The following PHEX variants were observed in gnomAD, a reference collection of about 807,000 sequenced individuals.
PHEX encodes the protein phosphate regulating endopeptidase X-linked.
A neutral mutation model predicts 68.0 loss-of-function variants in PHEX; 16 were observed. That is an observed-to-expected ratio of 0.24 (90% CI 0.16 to 0.36). PHEX has a LOEUF of 0.36. Among genes scored for constraint, PHEX ranks in the 10% least tolerant of loss-of-function variants. The pLI, the probability that PHEX is intolerant of heterozygous loss-of-function variation, is 1.00. For missense variants in PHEX, 480 were observed against 575.5 expected (o/e 0.83, Z 1.70); for synonymous variants, 208 against 205.1 (o/e 1.01, Z -0.12).
At chrX:22,072,777 C>A (rs943294177) in intron 3 of PHEX, among the ~76,000 whole-genome samples, 3 of 111,541 alleles carry the variant, frequency 2.7e-5, no homozygotes, top group Non-Finnish European at 5.6e-5. Context: ...TTTTGGGGTT[C>A]CAGTAATAAT....
At chrX:22,043,480 A>G (rs753031018) in intron 2 of PHEX, among the ~76,000 whole-genome samples, 3 of 111,117 alleles carry the variant, frequency 2.7e-5, no homozygotes, top group African/African-American at 6.6e-5. Context: ...TCAGGTGAGG[A>G]AACTAAGACA....
At chrX:22,147,031 A>T (rs1017330693) in intron 12 of PHEX, among the ~76,000 whole-genome samples, 4 of 110,895 alleles carry the variant, frequency 3.6e-5, no homozygotes, top group Non-Finnish European at 7.6e-5. Flanking sequence ...CAATAGCCTC[A>T]GTATAAAATT....
chrX:22,113,198 G>A (rs1215749459), intron 10 of PHEX, among the ~76,000 whole-genome samples: 2 of 111,883 alleles, frequency 1.8e-5, no homozygotes, highest in African/African-American at 6.5e-5. Context: ...TCTTGAGCAC[G>A]AAGTGCTAAA....
intron 3 of PHEX, among the ~76,000 whole-genome samples, chrX:22,070,107 C>T (rs1375209134): frequency 1.8e-5 from 2 of 110,832 alleles, no homozygotes; most frequent in African/African-American, 6.6e-5. Flanking sequence ...CAGCATTCAA[C>T]CATAGACCAT....
At chrX:22,240,775 C>A (rs1936161262) in intron 20 of PHEX, among the ~76,000 whole-genome samples, 1 of 111,357 alleles carries the variant, frequency 9.0e-6, no homozygotes, top group Non-Finnish European at 1.9e-5. Flanking sequence ...TCTCAGAGAC[C>A]TACAAAGAGA....
chrX:22,166,528 T>TTA (rs397896114), intron 12 of PHEX, among the ~76,000 whole-genome samples: 1,480 of 109,241 alleles, frequency 0.014, 16 homozygotes, highest in African/African-American at 0.043. Flanking sequence ...TGTCAAAATT[T>TTA]TATATATATA....
chrX:22,059,539 C>T (rs1342508727), intron 3 of PHEX, among the ~76,000 whole-genome samples: 1 of 112,126 alleles, frequency 8.9e-6, no homozygotes, highest in Non-Finnish European at 1.9e-5. Flanking sequence ...TCTTTGTAAG[C>T]CTATGTTTCT....
intron 20 of PHEX, among the ~76,000 whole-genome samples, chrX:22,228,072 C>T (rs993478338): frequency 8.1e-5 from 9 of 111,418 alleles, no homozygotes; most frequent in African/African-American, 2.9e-4. Flanking sequence ...ATGCAGAGAC[C>T]CCTAGAGCTG....
chrX:22,105,998 G>A (rs1203346526), intron 9 of PHEX, among the ~76,000 whole-genome samples: 2 of 111,699 alleles, frequency 1.8e-5, no homozygotes, highest in African/African-American at 6.5e-5. Flanking sequence ...CTTTGTGGTG[G>A]GTGCTCTTTT....
At chrX:22,117,589 A>T (rs776958591) in intron 11 of PHEX, among the ~76,000 whole-genome samples, 5 of 111,968 alleles carry the variant, frequency 4.5e-5, no homozygotes, top group East Asian at 5.6e-4. Flanking sequence ...TGAAAGATTT[A>T]AAAAAATTAT....
chrX:22,231,042 G>A (rs1935716579), intron 20 of PHEX, among the ~76,000 whole-genome samples: 1 of 112,091 alleles, frequency 8.9e-6, no homozygotes, highest in Non-Finnish European at 1.9e-5. Flanking sequence ...TAATCATGTG[G>A]TTTTTGTCAT....
chrX:22,047,882 C>A (rs1436978111), intron 3 of PHEX, among the ~76,000 whole-genome samples: 1 of 111,278 alleles, frequency 9.0e-6, no homozygotes, highest in Admixed American at 9.6e-5. Flanking sequence ...TTGGAGAAGG[C>A]CACCTCAGGA....
chrX:22,241,485 G>A (rs544661475), intron 20 of PHEX, among the ~76,000 whole-genome samples: 1 of 111,410 alleles, frequency 9.0e-6, no homozygotes, highest in East Asian at 2.8e-4. Flanking sequence ...AATGGATCCA[G>A]GAGCTGGCTT....
At chrX:22,222,657 C>T (rs1460889780) in intron 18 of PHEX, among the ~76,000 whole-genome samples, 1 of 111,774 alleles carries the variant, frequency 8.9e-6, no homozygotes, top group Non-Finnish European at 1.9e-5. Context: ...GGGTTAAAAA[C>T]CCCCCAAAAA....
chrX:22,133,701 T>C, intron 12 of PHEX, 77 bp downstream of exon 12: 1 of 759,622 alleles, frequency 1.3e-6, no homozygotes, highest in Non-Finnish European at 2.0e-6. Flanking sequence ...GACTGTGTAG[T>C]TGGTTTTTAT....
intron 9 of PHEX, among the ~76,000 whole-genome samples, chrX:22,104,721 C>T (rs1426866098): frequency 9.0e-6 from 1 of 111,616 alleles, no homozygotes; most frequent in Non-Finnish European, 1.9e-5. Context: ...GAGGCTGCCT[C>T]AGACACTTCC....
chrX:22,239,423 G>A (rs902305639), intron 20 of PHEX, among the ~76,000 whole-genome samples: 6 of 110,878 alleles, frequency 5.4e-5, no homozygotes, highest in Non-Finnish European at 9.4e-5. Context: ...TTCAGAAGGC[G>A]GGTGACAACA....
intron 13 of PHEX, chrX:22,171,814 T>C (rs1021070435): frequency 8.9e-6 from 1 of 111,916 alleles, no homozygotes; most frequent in Non-Finnish European, 1.9e-5. Context: ...ATAGGACCTA[T>C]GAGAAATTTC....
chrX:22,136,922 G>A (rs1004306354), intron 12 of PHEX, among the ~76,000 whole-genome samples: 1 of 112,035 alleles, frequency 8.9e-6, no homozygotes, highest in Non-Finnish European at 1.9e-5. Context: ...GTTTCAAGTG[G>A]AAATTTAGTA....
Sources: allele counts gnomAD v4.1 joint callset (sites outside exome capture counted in the v4.1 genomes callset), GRCh38; gene constraint gnomAD v4.1.1; transcripts MANE v1.5; gene names NCBI Gene and HGNC (gene_info 2026-07-23, HGNC 2026-07-21).